The following PCDH15 variants were observed in gnomAD, a reference collection of about 807,000 sequenced individuals.
PCDH15 encodes protocadherin-15.
In PCDH15, 129 loss-of-function variants were observed where a neutral mutation model predicts 178.5. The observed-to-expected ratio is 0.72, with a 90% confidence interval of 0.63 to 0.84. PCDH15 has a LOEUF of 0.84. Ranked by LOEUF, PCDH15 falls within the 40% of genes least tolerant of loss-of-function variation. The pLI, the probability that PCDH15 is intolerant of heterozygous loss-of-function variation, is 0.00. For missense variants in PCDH15, 2,230 were observed against 2,099.9 expected, an observed-to-expected ratio of 1.06 and a Z score of -1.21; for synonymous variants, 800 against 732.0, an observed-to-expected ratio of 1.09 and a Z score of -1.50.
chr10:54,150,180 G>A (rs775708341), intron 14 of PCDH15, among the ~76,000 whole-genome samples: 5 of 152,078 alleles, frequency 3.3e-5, no homozygotes, highest in Non-Finnish European at 5.9e-5. Context: ...ATCATCTGTC[G>A]ATGACAGCAA....
intron 8 of PCDH15, among the ~76,000 whole-genome samples, chr10:54,283,589 T>C (rs2058840014): frequency 6.6e-6 from 1 of 152,026 alleles, no homozygotes; most frequent in South Asian, 2.1e-4. Context: ...AATTATTTCT[T>C]CATGTATTTA....
At chr10:54,242,713 C>T (rs573615720) in intron 8 of PCDH15, among the ~76,000 whole-genome samples, 1 of 152,190 alleles carries the variant, frequency 6.6e-6, no homozygotes, top group African/African-American at 2.4e-5. Flanking sequence ...ATATTCTCAA[C>T]TTGGCATTTG....
chr10:54,185,436 T>C (rs2133820227), intron 11 of PCDH15, among the ~76,000 whole-genome samples, 168 bp from the exon 12 acceptor site: 1 of 152,232 alleles, frequency 6.6e-6, no homozygotes, highest in African/African-American at 2.4e-5. Flanking sequence ...TGATCTAAAC[T>C]ATTCAAAAGA....
chr10:55,407,121 G>GTGTTGAGGAACTGAAGATACA (rs888916353), intron 2 of PCDH15, among the ~76,000 whole-genome samples: 6 of 152,146 alleles, frequency 3.9e-5, no homozygotes. Context: ...GAGAGAAAGA[G>GTGTTGAGGAACTGAAGATACA]TGTTGAGGAA....
intron 13 of PCDH15, among the ~76,000 whole-genome samples, chr10:54,175,758 T>G (rs2047370591): frequency 1.3e-5 from 2 of 152,192 alleles, no homozygotes; most frequent in South Asian, 4.1e-4. Context: ...CCTCGTTAAT[T>G]TGGAACAATC....
intron 6 of PCDH15, among the ~76,000 whole-genome samples, chr10:54,330,787 C>T (rs752124189): frequency 6.6e-6 from 1 of 151,792 alleles, no homozygotes; most frequent in Non-Finnish European, 1.5e-5. Context: ...GACCTTATGT[C>T]ACTTTTGTAT....
chr10:55,136,079 T>G (rs1229767226), intron 2 of PCDH15, among the ~76,000 whole-genome samples: 1 of 152,170 alleles, frequency 6.6e-6, no homozygotes, highest in East Asian at 1.9e-4. Flanking sequence ...TTGTAACAAC[T>G]ATAGAGCAAA....
chr10:55,228,743 A>G (rs970664844), intron 1 of PCDH15, among the ~76,000 whole-genome samples: 1 of 151,970 alleles, frequency 6.6e-6, no homozygotes, highest in African/African-American at 2.4e-5. Context: ...TATTTTTTAA[A>G]TTATGATAAA....
chr10:54,761,347 C>G (rs537815624), intron 1 of PCDH15, among the ~76,000 whole-genome samples: 3 of 152,114 alleles, frequency 2.0e-5, no homozygotes, highest in Non-Finnish European at 4.4e-5. Context: ...ATATGCTCAA[C>G]TCTGAAGCTA....
chr10:54,267,430 C>T (rs574519002), intron 8 of PCDH15, among the ~76,000 whole-genome samples: 3 of 151,862 alleles, frequency 2.0e-5, no homozygotes, highest in East Asian at 3.9e-4. Flanking sequence ...CCAGAATGAT[C>T]GACCAACAGC....
intron 29 of PCDH15, among the ~76,000 whole-genome samples, chr10:53,835,355 T>C (rs2077246017): frequency 6.6e-6 from 1 of 152,170 alleles, no homozygotes; most frequent in African/African-American, 2.4e-5. Flanking sequence ...CTAAAATGTA[T>C]TTGCTTATTT....
At chr10:55,264,855 G>A (rs1842239233) in intron 1 of PCDH15, among the ~76,000 whole-genome samples, 1 of 152,158 alleles carries the variant, frequency 6.6e-6, no homozygotes, top group Non-Finnish European at 1.5e-5. Context: ...CTATACATGT[G>A]AAGACAGATG....
At chr10:55,600,534 TCAA>T (rs1331768986) in intron 2 of PCDH15, among the ~76,000 whole-genome samples, 1 of 152,084 alleles carries the variant, frequency 6.6e-6, no homozygotes, top group Non-Finnish European at 1.5e-5. Flanking sequence ...AGCATCCATA[TCAA>T]CAACAGGGTT....
intron 2 of PCDH15, among the ~76,000 whole-genome samples, chr10:55,064,180 AT>A (rs1466371507): frequency 5.9e-5 from 9 of 152,120 alleles, no homozygotes; most frequent in Middle Eastern, 3.2e-3. Flanking sequence ...TCTATTAGAG[AT>A]TATTTTTGAC....
intron 17 of PCDH15, among the ~76,000 whole-genome samples, chr10:54,077,362 A>C (rs919933865): frequency 5.3e-5 from 8 of 152,136 alleles, no homozygotes; most frequent in Non-Finnish European, 1.0e-4. Context: ...CCCAGAACTT[A>C]TTTTGGTTTT....
intron 2 of PCDH15, among the ~76,000 whole-genome samples, chr10:55,492,805 G>C (rs1253185874): frequency 1.3e-5 from 2 of 151,670 alleles, no homozygotes; most frequent in African/African-American, 4.8e-5. Flanking sequence ...ATGATGCTTA[G>C]AGAAGTAAAG....
chr10:54,311,809 CA>C (rs1165320892), intron 8 of PCDH15, among the ~76,000 whole-genome samples: 2 of 151,966 alleles, frequency 1.3e-5, no homozygotes, highest in East Asian at 3.9e-4. Context: ...TTTATAAAAT[CA>C]GTGTATTTCT....
intron 28 of PCDH15, among the ~76,000 whole-genome samples, chr10:53,854,815 T>G (rs2132993910): frequency 6.6e-6 from 1 of 152,188 alleles, no homozygotes; most frequent in African/African-American, 2.4e-5. Context: ...TTTTATTAGC[T>G]CTTAACAGTG....
At chr10:54,820,563 G>A (rs541388450) in intron 3 of PCDH15, among the ~76,000 whole-genome samples, 2 of 152,034 alleles carry the variant, frequency 1.3e-5, no homozygotes, top group East Asian at 1.9e-4. Context: ...GACTTTATAA[G>A]CTTTTTATTA....
Sources: allele counts gnomAD v4.1 joint callset (sites outside exome capture counted in the v4.1 genomes callset), GRCh38; gene constraint gnomAD v4.1.1; transcripts MANE v1.5; gene names NCBI Gene and HGNC (gene_info 2026-07-23, HGNC 2026-07-21).